The following PTPRO variants were observed in gnomAD, a reference collection of about 807,000 sequenced individuals.
PTPRO encodes protein tyrosine phosphatase receptor type O, also known as receptor-type tyrosine-protein phosphatase O.
In PTPRO, 62 loss-of-function variants were observed where a neutral mutation model predicts 145.2. That is an observed-to-expected ratio of 0.43 (90% confidence interval 0.35 to 0.53). PTPRO has a LOEUF of 0.53. PTPRO is among the 20% of genes least tolerant of loss of function. The probability of loss-of-function intolerance (pLI) is 0.01; values close to 1 mark genes in which losing one functional copy is unlikely to be tolerated. For missense variants in PTPRO, 1,345 were observed against 1,482.7 expected, an observed-to-expected ratio of 0.91 and a Z score of 1.53; for synonymous variants, 565 against 514.7, an observed-to-expected ratio of 1.10 and a Z score of -1.32.
chr12:15,360,814 G>C (rs1938158050), intron 1 of PTPRO, among the ~76,000 whole-genome samples: 1 of 138,828 alleles, frequency 7.2e-6, no homozygotes, highest in Non-Finnish European at 1.6e-5. Context: ...ATATACGTGT[G>C]TATATATGTG....
At chr12:15,429,584 G>C (rs967334003) in intron 1 of PTPRO, among the ~76,000 whole-genome samples, 6 of 152,162 alleles carry the variant, frequency 3.9e-5, no homozygotes, top group Non-Finnish European at 8.8e-5. Flanking sequence ...TATGGCTGGA[G>C]TACAGCAAAC....
intron 1 of PTPRO, among the ~76,000 whole-genome samples, chr12:15,417,922 C>A (rs1262780129): frequency 6.6e-6 from 1 of 151,676 alleles, no homozygotes. Context: ...TGGCCTAAAG[C>A]AATGTAATAC....
At chr12:15,395,469 T>C (rs1178111328) in intron 1 of PTPRO, among the ~76,000 whole-genome samples, 1 of 152,080 alleles carries the variant, frequency 6.6e-6, no homozygotes, top group African/African-American at 2.4e-5. Flanking sequence ...GAGATTCTTC[T>C]TTATCCCAAA....
At chr12:15,483,614 A>G (rs750054916) in intron 1 of PTPRO, among the ~76,000 whole-genome samples, 51 of 152,196 alleles carry the variant, frequency 3.4e-4, no homozygotes, top group Non-Finnish European at 6.9e-4. Context: ...CACAGTTGAA[A>G]CCAAGAACTT....
chr12:15,529,970 G>A (rs12301032), intron 12 of PTPRO, among the ~76,000 whole-genome samples: 65,850 of 151,916 alleles, frequency 0.43, 14,730 homozygotes, highest in African/African-American at 0.52. Flanking sequence ...TGCTGCCTTT[G>A]AGAAACCCAC....
At chr12:15,557,057 T>C (rs539109747) in intron 15 of PTPRO, among the ~76,000 whole-genome samples, 15 of 151,950 alleles carry the variant, frequency 9.9e-5, no homozygotes, top group African/African-American at 3.4e-4. Context: ...CTTTTTCTTT[T>C]TGAGACAGAG....
intron 1 of PTPRO, among the ~76,000 whole-genome samples, chr12:15,417,186 C>T (rs139419758): frequency 1.8e-4 from 28 of 151,690 alleles, no homozygotes; most frequent in African/African-American, 4.4e-4. Context: ...CAAATACAGA[C>T]GCTACTCAGC....
chr12:15,429,729 C>T (rs1362276084), intron 1 of PTPRO, among the ~76,000 whole-genome samples: 7 of 152,086 alleles, frequency 4.6e-5, no homozygotes, highest in Admixed American at 4.6e-4. Context: ...CTGTTTTATA[C>T]ATTGAAAAAT....
At chr12:15,522,188 C>CT (rs1389200314) in intron 10 of PTPRO, among the ~76,000 whole-genome samples, 2 of 150,448 alleles carry the variant, frequency 1.3e-5, no homozygotes, top group East Asian at 3.9e-4. Flanking sequence ...AGATTATTGT[C>CT]TTTTTTATAC....
Position 15,581,826 on chromosome 12 carries a change from T to G in PTPRO, c.3255+25T>G, listed in dbSNP as rs367778245. On this transcript the variant is annotated intron_variant, in intron 23 of 26. Transcript: ENST00000281171. ...TGTAAGTCACCAGGCAGAGAGCAGG[T>G]GCTGTCCCTATGCTGACACCTGCTG... 4.6e-5 allele frequency: 75 copies of G among 1,613,204 alleles called. No homozygotes were observed. In the African/African-American group the frequency reaches 7.5e-4, roughly 16 times the overall value.
chr12:15,370,025 C>A (rs1026226166), intron 1 of PTPRO, among the ~76,000 whole-genome samples: 1 of 151,250 alleles, frequency 6.6e-6, no homozygotes, highest in Non-Finnish European at 1.5e-5. Flanking sequence ...CCACTCCAGC[C>A]TGGGCAACAG....
intron 1 of PTPRO, among the ~76,000 whole-genome samples, chr12:15,466,266 G>T (rs1941412989): frequency 6.6e-6 from 1 of 152,028 alleles, no homozygotes; most frequent in Non-Finnish European, 1.5e-5. Flanking sequence ...GATAAAAATA[G>T]AAAAGATTGA....
intron 1 of PTPRO, among the ~76,000 whole-genome samples, chr12:15,439,162 A>T (rs551184352): frequency 6.6e-6 from 1 of 152,218 alleles, no homozygotes; most frequent in Non-Finnish European, 1.5e-5. Context: ...CAAGAATTCT[A>T]TATCTCAACA....
chr12:15,339,784 A>C (rs1866906782), intron 1 of PTPRO, among the ~76,000 whole-genome samples: 1 of 152,218 alleles, frequency 6.6e-6, no homozygotes, highest in Admixed American at 6.5e-5. Flanking sequence ...TAGTAATTAC[A>C]ATTCATATAT....
In PTPRO at chr12:15,484,139, C is replaced by T. The variant is rs1941837551; in HGVS notation, c.241C>T (p.Pro81Ser). ...FEEFNSTLPP[P>S]VIFKASYHGL... Reference sequence around the variant, plus strand: ...GGAATTCAACAGCACTTTGCCTCCTCCTGTTATTTTCAAGGCCAGTTATCA... The same window carrying T: ...GGAATTCAACAGCACTTTGCCTCCTTCTGTTATTTTCAAGGCCAGTTATCA... Residue 81 changes from proline (P) to serine (S), a missense_variant, in exon 2 of 27, where the codon CCT becomes TCT. Pro to Ser is a moderately conservative substitution (Grantham distance 74, BLOSUM62 -1). Around this residue, in one of 3 missense-constraint regions of PTPRO, gnomAD observed 1,130 missense variants for 1,214.7 expected, o/e 0.93. Transcript: ENST00000281171. 1 of 1,613,776 alleles carries T rather than the reference C, an allele frequency of 6.2e-7. No homozygotes were observed. Among genetic ancestry groups the T allele is most frequent in the African/African-American group, 1.3e-5 (1 of 75,012 alleles).
chr12:15,416,465 G>A (rs941868031), intron 1 of PTPRO, among the ~76,000 whole-genome samples: 5 of 151,018 alleles, frequency 3.3e-5, no homozygotes, highest in African/African-American at 4.9e-5. Context: ...GACTACAGGC[G>A]CCCACCACCA....
chr12:15,443,531 C>T (rs544173368), intron 1 of PTPRO, among the ~76,000 whole-genome samples: 40 of 151,910 alleles, frequency 2.6e-4, no homozygotes, highest in Admixed American at 9.2e-4. Flanking sequence ...TTCTGCACAC[C>T]GAAAGAAACT....
chr12:15,541,855 T>C (rs1943186999), intron 12 of PTPRO, among the ~76,000 whole-genome samples: 1 of 151,948 alleles, frequency 6.6e-6, no homozygotes, highest in Non-Finnish European at 1.5e-5. Flanking sequence ...CTACTAAAAA[T>C]ACAAAAATTA....
intron 10 of PTPRO, among the ~76,000 whole-genome samples, chr12:15,524,125 G>A (rs188653983): frequency 7.3e-6 from 1 of 136,572 alleles, no homozygotes; most frequent in East Asian, 2.1e-4. Context: ...TGATAAAGTA[G>A]CAAGCTCAGT....
Sources: gnomAD v4.1 joint callset for allele counts (sites outside exome capture counted in the v4.1 genomes callset) on GRCh38, gnomAD v4.1.1 for gene constraint, gnomAD v4.1.1 regional missense constraint, MANE v1.5 for transcripts, NCBI Gene and HGNC (gene_info 2026-07-23, HGNC 2026-07-21) for gene names.